Variants in DNTT observed in about 807,000 individuals in gnomAD.
DNTT encodes the protein DNA nucleotidylexotransferase, also known as nucleosidetriphosphate:DNA deoxynucleotidylexotransferase.
DNTT carries 47 observed loss-of-function variants against 60.9 expected under a neutral mutation model. The ratio of observed to expected loss-of-function variants is 0.77; its 90% CI spans 0.61 to 0.98. The LOEUF (loss-of-function observed/expected upper bound fraction) is 0.98. Among genes scored for constraint, DNTT ranks in the 50% least tolerant of loss-of-function variants. DNTT has a pLI of 0.00. For synonymous variants in DNTT, 224 were observed against 221.2 expected, an observed-to-expected ratio of 1.01 and a Z score of -0.11; for missense variants, 665 against 627.5, an observed-to-expected ratio of 1.06 and a Z score of -0.64.
chr10:96,332,596 G>C lies in DNTT; in HGVS notation c.1359G>C (p.Arg453=). ...CCCTGTTGGGATGGACTGGCTCCCG[G>C]GTAAGTGCTACATGGACCCATGGGA... The part of the protein sequence containing the change: ...AFALLGWTGS[R]QFERDLRRYA... The change falls in exon 9 of 11, where the codon CGG becomes CGC. Residue 453 remains arginine, a splice_region_variant and synonymous_variant. Coordinates refer to ENST00000371174, the MANE Select transcript of DNTT (RefSeq NM_004088.4). The C allele has an allele frequency of 1.9e-6, 3 of 1,612,538 alleles. No individual in the cohort carries two copies. Among genetic ancestry groups the C allele is most frequent in the East Asian group, 2.2e-5 (1 of 44,762 alleles).
At chr10:96,332,847 A>G (rs1236352511) in intron 9 of DNTT, among the ~76,000 whole-genome samples, 12 of 152,212 alleles carry the variant, frequency 7.9e-5, no homozygotes, top group Non-Finnish European at 1.6e-4. Context: ...CAGGTTAGAC[A>G]TGGAAATTCT....
At position 96,304,634 on chromosome 10, in the gene DNTT, C is replaced by T. The variant is rs753957872; in HGVS notation, c.137C>T (p.Thr46Ile). 6.2e-7 allele frequency: 1 copy of T among 1,614,138 alleles called. No individual in the cohort carries two copies. Among genetic ancestry groups the T allele is most frequent in the South Asian group, 1.1e-5 (1 of 91,084 alleles). ...TTCATTTTGGAGAAGAAAATGGGAA[C>T]CACCCGCAGAGCGTTCCTCATGGAG... ...VVFILEKKMG[T>I]TRRAFLMELA... is the part of the protein sequence containing the mutation. The change falls in exon 1 of 11, where the codon ACC becomes ATC. Residue 46 changes from threonine (T) to isoleucine (I), a missense_variant. By Grantham distance (89) the Thr-to-Ile change is moderately conservative (BLOSUM62 -1). Coordinates refer to ENST00000371174, the MANE Select transcript of DNTT (RefSeq NM_004088.4).
chr10:96,310,842 T>C (rs964170121), intron 1 of DNTT, among the ~76,000 whole-genome samples: 16 of 152,210 alleles, frequency 1.1e-4, no homozygotes, highest in African/African-American at 3.9e-4. Flanking sequence ...GTAATGAATT[T>C]TTTTTCTGCA....
chr10:96,304,847 T>C, intron 1 of DNTT, 147 bp downstream of exon 1: 2 of 896,832 alleles, frequency 2.2e-6, no homozygotes, highest in Non-Finnish European at 3.3e-6. Context: ...AAAGAACAAC[T>C]AGTTAAGGAA....
At chr10:96,319,505 C>T in intron 3 of DNTT, 115 bp downstream of exon 3, 1 of 1,441,338 alleles carries the variant, frequency 6.9e-7, no homozygotes, top group Non-Finnish European at 9.5e-7. Context: ...TTCCTCCCAC[C>T]TACCTGCAGC....
Position 96,324,249 on chromosome 10 carries a change from C to A in DNTT, c.751-17C>A. ...ATTATCTTAGAGACTGATGGCATGC[C>A]TTTCCCTCCATTTTAGCTCTTTACT... On this transcript the variant is annotated splice_polypyrimidine_tract_variant and intron_variant, in intron 5 of 10. Coordinates refer to ENST00000371174, the MANE Select transcript of DNTT (RefSeq NM_004088.4). The A allele has an allele frequency of 6.2e-7, 1 of 1,609,058 alleles. No homozygotes were observed. The highest frequency in any genetic ancestry group is 8.5e-7 in the Non-Finnish European group (1 of 1,176,382).
intron 1 of DNTT, among the ~76,000 whole-genome samples, chr10:96,313,737 G>T (rs1161455950): frequency 6.6e-6 from 1 of 152,158 alleles, no homozygotes; most frequent in Non-Finnish European, 1.5e-5. Flanking sequence ...TTTATTGTTG[G>T]TTACTTAATA....
rs66877330 is a variant in DNTT at position 96,306,092 on chromosome 10, A to ATTTTTTTTT, written c.203+1403_203+1411dup. ...ATAGGTAAAGAAGCCAAAAAAATAG[A>ATTTTTTTTT]TTTTTTTTTTTTTTTTTTTGAGACA... On this transcript the variant is annotated intron_variant, in intron 1 of 10. Transcript: ENST00000371174. 4.9e-3 allele frequency among the ~76,000 whole-genome samples: 646 copies of ATTTTTTTTT among 131,402 alleles called. 6 individuals are homozygous for ATTTTTTTTT. Among genetic ancestry groups the ATTTTTTTTT allele is most frequent in the African/African-American group, 0.016 (573 of 35,848 alleles). 86.2% of individuals were successfully genotyped at this position (131,402 alleles called of 152,430 possible). A position where few individuals can be genotyped will look rare whatever the true frequency, so the allele number is the denominator to read the frequency against.
chr10:96,309,275 A>G (rs1043556224), intron 1 of DNTT, among the ~76,000 whole-genome samples: 4 of 152,182 alleles, frequency 2.6e-5, no homozygotes, highest in Non-Finnish European at 5.9e-5. Flanking sequence ...GTCATCACCA[A>G]TAAAGGGCTT....
At chr10:96,316,436 CT>C (rs2133986449) in intron 1 of DNTT, among the ~76,000 whole-genome samples, 1 of 152,302 alleles carries the variant, frequency 6.6e-6, no homozygotes, top group South Asian at 2.1e-4. Context: ...TAAAATAACA[CT>C]GTAGTGCTAT....
chr10:96,327,060 C>G (rs950790659), intron 6 of DNTT, among the ~76,000 whole-genome samples: 1 of 152,208 alleles, frequency 6.6e-6, no homozygotes, highest in African/African-American at 2.4e-5. Flanking sequence ...CTATTCTTGA[C>G]TTTAATTTTT....
chr10:96,309,193 G>T (rs141576920), intron 1 of DNTT, among the ~76,000 whole-genome samples: 1 of 152,272 alleles, frequency 6.6e-6, no homozygotes, highest in East Asian at 1.9e-4. Flanking sequence ...ATCCTTCCTA[G>T]ACTTCCATAG....
intron 1 of DNTT, among the ~76,000 whole-genome samples, chr10:96,314,791 G>A (rs1044900903): frequency 1.3e-5 from 2 of 152,118 alleles, no homozygotes; most frequent in African/African-American, 4.8e-5. Flanking sequence ...TGTATAAAGT[G>A]TGCCTACCAG....
At position 96,318,488 on chromosome 10, in the gene DNTT, G is replaced by A. The variant is rs1330136851; in HGVS notation, c.340G>A (p.Gly114Arg). ...CTGGCTGATCGAATGCATAAGAGCAGGGAAACCGGTGGAAATGACAGGAAA... is the reference window on the plus strand; with the variant it reads ...CTGGCTGATCGAATGCATAAGAGCAAGGAAACCGGTGGAAATGACAGGAAA... The part of the protein sequence containing the change: ...VSWLIECIRA[G>R]KPVEMTGKHQ... The change falls in exon 2 of 11, where the codon GGG becomes AGG. Residue 114 changes from glycine to arginine, a missense_variant. Transcript: ENST00000371174. The A allele has an allele frequency of 6.2e-7, 1 of 1,613,718 alleles. No homozygotes were observed. The highest frequency in any genetic ancestry group is 2.2e-5 in the East Asian group (1 of 44,868).
At chr10:96,324,948 C>A (rs1844922685) in intron 6 of DNTT, among the ~76,000 whole-genome samples, 4 of 152,150 alleles carry the variant, frequency 2.6e-5, no homozygotes, top group African/African-American at 9.7e-5. Flanking sequence ...GAAATCTAGG[C>A]ACAGGGTTGA....
rs149849157 is a variant in DNTT, at chr10:96,305,259, T to A, written c.203+559T>A. On this transcript the variant is annotated intron_variant, in intron 1 of 10. Coordinates refer to ENST00000371174, the MANE Select transcript of DNTT (RefSeq NM_004088.4). ...GGTTCTTAGAAAGAGAGATGCTAGG[T>A]AAAGATGTATTCACTGTTAAGACAG... is the stretch of plus-strand genomic sequence containing the variant. Among the ~76,000 whole-genome samples, 500 of 152,204 alleles carry A rather than the reference T, an allele frequency of 3.3e-3. 1 individual carries two copies. Among genetic ancestry groups the A allele is most frequent in the African/African-American group, 0.012 (482 of 41,540 alleles).
At chr10:96,329,509 G>A (rs1167220900) in intron 8 of DNTT, among the ~76,000 whole-genome samples, 3 of 152,226 alleles carry the variant, frequency 2.0e-5, no homozygotes, top group Admixed American at 6.5e-5. Context: ...CCTGTAGATA[G>A]GTCTGGCTGG....
chr10:96,308,717 T>C (rs1211213375), intron 1 of DNTT, among the ~76,000 whole-genome samples: 1 of 152,134 alleles, frequency 6.6e-6, no homozygotes, highest in Non-Finnish European at 1.5e-5. Context: ...GGGATTATCA[T>C]TAGTTCTTAC....
Position 96,335,822 on chromosome 10 carries a change from G to T in DNTT, c.1360-69G>T, listed in dbSNP as rs191459120. ...GTGGAGTTACATATTTCACTAGAGG[G>T]ATGTAGCCACCTAATACTGAAGACA... On this transcript the variant is annotated intron_variant, in intron 9 of 10. Transcript: ENST00000371174. 3.0e-3 allele frequency: 4,631 copies of T among 1,524,200 alleles called. 10 individuals carry two copies. Among genetic ancestry groups the T allele is most frequent in the Non-Finnish European group, 3.8e-3 (4,131 of 1,099,368 alleles). The allele number at this position is 1,524,200 out of a possible 1,614,324, so 94.4% of individuals were successfully genotyped here. A position where few individuals can be genotyped will look rare whatever the true frequency, so the allele number is the denominator to read the frequency against.
Sources: gnomAD v4.1 joint callset for allele counts (sites outside exome capture counted in the v4.1 genomes callset) on GRCh38, gnomAD v4.1.1 for gene constraint, MANE v1.5 for transcripts, NCBI Gene and HGNC (gene_info 2026-07-23, HGNC 2026-07-21) for gene names.